The following AKR1C3 variants were observed in gnomAD, a reference collection of about 807,000 sequenced individuals.
The protein encoded by AKR1C3 is 3-alpha hydroxysteroid dehydrogenase, type II.
A neutral mutation model predicts 43.6 loss-of-function variants in AKR1C3; 48 were observed. That is an observed-to-expected ratio of 1.10 (90% CI 0.87 to 1.40). AKR1C3 has a LOEUF of 1.40. Among genes scored for constraint, AKR1C3 ranks in the 40% most tolerant of loss-of-function variants. The pLI, the probability that AKR1C3 is intolerant of heterozygous loss-of-function variation, is 0.00. For synonymous variants in AKR1C3, 162 were observed against 139.6 expected, an observed-to-expected ratio of 1.16 and a Z score of -1.13; for missense variants, 482 against 391.2, an observed-to-expected ratio of 1.23 and a Z score of -1.96.
At chr10:5,073,557 C>G (rs1838653104) in intron 1 of AKR1C3, among the ~76,000 whole-genome samples, 1 of 152,120 alleles carries the variant, frequency 6.6e-6, no homozygotes, top group African/African-American at 2.4e-5. Flanking sequence ...CTCTCTCAGT[C>G]TTACCCACAT....
intron 1 of AKR1C3, 65 bp downstream of exon 1, chr10:5,094,593 ATTGGGTTGTAAGGTTCGTGTTCCTACCT>A: frequency 6.4e-7 from 1 of 1,553,544 alleles, no homozygotes; most frequent in Non-Finnish European, 8.9e-7. Flanking sequence ...TGAAACCCGT[ATTGGGTTGTAAGGTTCGTGTTCCTACCT>A]TACTCTGGAT....
chr10:5,106,764 A>AAAAAAG (rs61368631), intron 8 of AKR1C3, among the ~76,000 whole-genome samples: 5 of 152,108 alleles, frequency 3.3e-5, no homozygotes, highest in East Asian at 3.9e-4. Flanking sequence ...AAAAAAAAAA[A>AAAAAAG]GCAGGAAGTT....
intron 1 of AKR1C3, among the ~76,000 whole-genome samples, chr10:5,055,437 TA>T (rs1237128245): frequency 6.6e-6 from 1 of 152,234 alleles, no homozygotes; most frequent in Non-Finnish European, 1.5e-5. Flanking sequence ...CTGACAGCCA[TA>T]AACTTCCTTT....
At chr10:5,083,202 A>C (rs1554782581) in intron 1 of AKR1C3, among the ~76,000 whole-genome samples, 1 of 152,046 alleles carries the variant, frequency 6.6e-6, no homozygotes, top group Admixed American at 6.6e-5. Flanking sequence ...CATTAGATAT[A>C]TCTCCTAATG....
upstream of AKR1C3, among the ~76,000 whole-genome samples, chr10:5,091,712 T>C (rs1839093790): frequency 6.6e-6 from 1 of 152,156 alleles, no homozygotes; most frequent in Non-Finnish European, 1.5e-5. Flanking sequence ...CACAGCTTCG[T>C]TTCCACTTCA....
intron 1 of AKR1C3, chr10:5,081,604 T>C (rs1204440316): frequency 6.6e-6 from 1 of 152,224 alleles, no homozygotes; most frequent in Admixed American, 6.5e-5. Flanking sequence ...GCCAACATTC[T>C]CAGGACTCCC....
chr10:5,097,829 G>A, intron 3 of AKR1C3: 2 of 1,172,466 alleles, frequency 1.7e-6, no homozygotes, highest in Non-Finnish European at 2.1e-6. Context: ...CTTAGTTGTG[G>A]CTTTTGAGTC....
intron 1 of AKR1C3, among the ~76,000 whole-genome samples, chr10:5,059,954 C>CACA (rs1838347773): frequency 6.6e-6 from 1 of 152,072 alleles, no homozygotes; most frequent in Non-Finnish European, 1.5e-5. Context: ...TTTTTTCCTT[C>CACA]TGATGTTTGG....
intron 1 of AKR1C3, among the ~76,000 whole-genome samples, chr10:5,094,845 A>G (rs1297192314): frequency 2.0e-5 from 3 of 152,134 alleles, no homozygotes; most frequent in African/African-American, 7.2e-5. Flanking sequence ...ATTAATTGCA[A>G]TAGGAGTGAT....
chr10:5,090,547 A>G (rs782533356), upstream of AKR1C3, among the ~76,000 whole-genome samples: 21 of 152,154 alleles, frequency 1.4e-4, no homozygotes, highest in Non-Finnish European at 1.3e-4. Context: ...CCAGTTCAAT[A>G]TAGACAGCTT....
chr10:5,093,766 C>A (rs142202552), upstream of AKR1C3: 40 of 152,214 alleles, frequency 2.6e-4, no homozygotes, highest in African/African-American at 8.9e-4. Context: ...CCAATAAAAA[C>A]TACACCAGAA....
intron 1 of AKR1C3, among the ~76,000 whole-genome samples, chr10:5,067,380 G>A (rs1419670037): frequency 6.6e-6 from 1 of 152,052 alleles, no homozygotes; most frequent in Admixed American, 6.6e-5. Flanking sequence ...TTACCTTAAG[G>A]GCTCCAATGA....
intron 1 of AKR1C3, chr10:5,077,851 C>T (rs927916757): frequency 2.8e-5 from 15 of 533,704 alleles, no homozygotes; most frequent in Middle Eastern, 4.2e-4. Context: ...AAACTGTTCT[C>T]GGAGTTATTT....
chr10:5,064,066 CT>C (rs1198079308), intron 1 of AKR1C3, among the ~76,000 whole-genome samples: 1 of 152,168 alleles, frequency 6.6e-6, no homozygotes, highest in Non-Finnish European at 1.5e-5. Context: ...ATAAAAGTAG[CT>C]TCTCATTTGG....
At chr10:5,048,946 A>G in intron 1 of AKR1C3, 1 of 1,480,032 alleles carries the variant, frequency 6.8e-7, no homozygotes, top group East Asian at 2.3e-5. Context: ...AAGCCAGAAT[A>G]AGTGGAAGCT....
At chr10:5,084,984 C>T (rs1391691821) in intron 1 of AKR1C3, among the ~76,000 whole-genome samples, 154 of 152,228 alleles carry the variant, frequency 1.0e-3, no homozygotes, top group Non-Finnish European at 1.5e-3. Context: ...TGGGCTGAGA[C>T]AATGGGGTTT....
At chr10:5,073,718 T>C (rs1244224422) in intron 1 of AKR1C3, among the ~76,000 whole-genome samples, 1 of 152,232 alleles carries the variant, frequency 6.6e-6, no homozygotes. Flanking sequence ...GACTGTATTT[T>C]GGTATTCCAG....
At chr10:5,051,730 G>A (rs1326265980) in intron 1 of AKR1C3, among the ~76,000 whole-genome samples, 1 of 151,968 alleles carries the variant, frequency 6.6e-6, no homozygotes, top group South Asian at 2.1e-4. Context: ...GTGACACAGA[G>A]GACGTCTTTA....
At chr10:5,073,662 T>C (rs7903936) in intron 1 of AKR1C3, among the ~76,000 whole-genome samples, 25,380 of 152,214 alleles carry the variant, frequency 0.17, 2,476 homozygotes, top group South Asian at 0.26. Context: ...CATTGACATA[T>C]TTGATTAGTA....
Sources: gnomAD v4.1 joint callset for allele counts (sites outside exome capture counted in the v4.1 genomes callset) on GRCh38, gnomAD v4.1.1 for gene constraint, MANE v1.5 for transcripts, NCBI Gene and HGNC (gene_info 2026-07-23, HGNC 2026-07-21) for gene names.